GALNTL6: variants seen among roughly 807,000 people sequenced by gnomAD.
The protein encoded by GALNTL6 is polypeptide N-acetylgalactosaminyltransferase-like 6.
GALNTL6 carries 46 observed loss-of-function variants against 73.7 expected under a neutral mutation model. The observed-to-expected ratio is 0.62, with a 90% CI of 0.49 to 0.80. The LOEUF is 0.80. Ranked by LOEUF, GALNTL6 falls within the 30% of genes least tolerant of loss-of-function variation. GALNTL6 has a pLI of 0.00. For synonymous variants in GALNTL6, 259 were observed against 263.7 expected (o/e 0.98, Z 0.17); for missense variants, 604 against 755.0 (o/e 0.80, Z 2.34).
rs575069167 is a variant in GALNTL6, at chr4:172,507,886, A to G, written c.553+159197A>G. Reference sequence around the variant, plus strand: ...AGCCTTATTTGAAGAGTTGAAAAGCAAAACTATAAATAAGGAAGCAATTAC... The same window carrying G: ...AGCCTTATTTGAAGAGTTGAAAAGCGAAACTATAAATAAGGAAGCAATTAC... On this transcript the variant is annotated intron_variant, in intron 5 of 12. Transcript: ENST00000506823. 2.8e-3 allele frequency among the ~76,000 whole-genome samples: 157 copies of G among 55,170 alleles called. 64 individuals carry two copies. Among genetic ancestry groups the G allele is most frequent in the African/African-American group, 6.7e-3 (148 of 22,154 alleles). The allele number at this position is 55,170 out of a possible 152,430, so 36.2% of individuals were successfully genotyped here.
intron 5 of GALNTL6, among the ~76,000 whole-genome samples, chr4:172,694,288 TCCC>T (rs1487139310): frequency 6.6e-6 from 1 of 152,098 alleles, no homozygotes; most frequent in East Asian, 1.9e-4. Context: ...ATGTTCTCCC[TCCC>T]CTTGCCCCCA....
At chr4:172,898,355 TTATAAA>T (rs1746441763) in intron 8 of GALNTL6, among the ~76,000 whole-genome samples, 1 of 150,286 alleles carries the variant, frequency 6.7e-6, no homozygotes, top group Non-Finnish European at 1.5e-5. Context: ...ATTTCAGAGC[TTATAAA>T]TAAAAATAAT....
At chr4:172,922,071 G>A (rs181460486) in intron 8 of GALNTL6, among the ~76,000 whole-genome samples, 8 of 152,106 alleles carry the variant, frequency 5.3e-5, no homozygotes, top group South Asian at 2.1e-4. Flanking sequence ...TGCTATTCTC[G>A]TGATAGTGAA....
intron 10 of GALNTL6, among the ~76,000 whole-genome samples, chr4:172,960,618 G>A (rs1219362876): frequency 6.6e-6 from 1 of 152,024 alleles, no homozygotes; most frequent in Non-Finnish European, 1.5e-5. Context: ...ACTAGGGAGG[G>A]AACAATGTGT....
intron 10 of GALNTL6, among the ~76,000 whole-genome samples, chr4:172,976,492 G>A (rs1355547534): frequency 1.3e-5 from 2 of 152,138 alleles, no homozygotes; most frequent in Non-Finnish European, 2.9e-5. Flanking sequence ...CAGTACGTGG[G>A]CCACAGGAAA....
At chr4:172,349,699 G>A (rs1485600330) in intron 5 of GALNTL6, among the ~76,000 whole-genome samples, 1 of 151,640 alleles carries the variant, frequency 6.6e-6, no homozygotes, top group African/African-American at 2.4e-5. Flanking sequence ...ATATATACTG[G>A]GACTTACATG....
chr4:172,906,817 A>T (rs1036809915), intron 8 of GALNTL6, among the ~76,000 whole-genome samples: 7 of 152,230 alleles, frequency 4.6e-5, no homozygotes, highest in Admixed American at 6.5e-5. Context: ...CACATTTCAG[A>T]ACCTTCAAAG....
chr4:171,824,383 C>T (rs1486616459), intron 2 of GALNTL6, among the ~76,000 whole-genome samples: 1 of 151,916 alleles, frequency 6.6e-6, no homozygotes, highest in Non-Finnish European at 1.5e-5. Flanking sequence ...TACTCAAAGA[C>T]CTTGGACAAA....
intron 5 of GALNTL6, among the ~76,000 whole-genome samples, chr4:172,447,683 T>C (rs1317527436): frequency 6.6e-6 from 1 of 152,186 alleles, no homozygotes; most frequent in African/African-American, 2.4e-5. Flanking sequence ...CATCGTACTG[T>C]CTTGAGTTCA....
chr4:172,728,029 C>T (rs1028943332), intron 5 of GALNTL6, among the ~76,000 whole-genome samples: 11 of 152,176 alleles, frequency 7.2e-5, no homozygotes, highest in African/African-American at 2.4e-4. Flanking sequence ...TCTCCTGCCT[C>T]AGCCTCCCGA....
At chr4:173,037,612 A>G (rs1247373953) in intron 12 of GALNTL6, among the ~76,000 whole-genome samples, 1 of 152,250 alleles carries the variant, frequency 6.6e-6, no homozygotes, top group African/African-American at 2.4e-5. Context: ...TGGCATTTGC[A>G]TGCATACTGA....
At chr4:172,500,353 C>T (rs1032610871) in intron 5 of GALNTL6, among the ~76,000 whole-genome samples, 2 of 152,212 alleles carry the variant, frequency 1.3e-5, no homozygotes, top group Admixed American at 6.5e-5. Flanking sequence ...CCTGGAAGAT[C>T]GAGGCTGTAG....
At chr4:172,745,444 T>C (rs373478757) in intron 5 of GALNTL6, among the ~76,000 whole-genome samples, 9 of 87,948 alleles carry the variant, frequency 1.0e-4, no homozygotes, top group Non-Finnish European at 1.9e-4. Context: ...TATATATATA[T>C]GTACACATAA....
At chr4:172,017,199 A>G (rs1194934174) in intron 2 of GALNTL6, among the ~76,000 whole-genome samples, 3 of 152,118 alleles carry the variant, frequency 2.0e-5, no homozygotes, top group Non-Finnish European at 2.9e-5. Flanking sequence ...CTGAGGTTTT[A>G]TCAGGGAGAA....
At chr4:172,727,408 A>G (rs1735883536) in intron 5 of GALNTL6, among the ~76,000 whole-genome samples, 1 of 152,238 alleles carries the variant, frequency 6.6e-6, no homozygotes, top group Non-Finnish European at 1.5e-5. Flanking sequence ...ATCATAGAAA[A>G]ATGCTCAGAT....
intron 10 of GALNTL6, among the ~76,000 whole-genome samples, chr4:172,968,722 G>A (rs1242102992): frequency 2.0e-5 from 3 of 152,098 alleles, no homozygotes; most frequent in Non-Finnish European, 2.9e-5. Context: ...GTTAGAGCAG[G>A]AAGTTTTTGT....
intron 5 of GALNTL6, among the ~76,000 whole-genome samples, chr4:172,513,749 C>T (rs921679871): frequency 1.3e-5 from 2 of 152,150 alleles, no homozygotes; most frequent in Non-Finnish European, 2.9e-5. Context: ...TACAAAGAGC[C>T]CCATGAGGTT....
chr4:171,891,263 C>T (rs1736752412), intron 2 of GALNTL6, among the ~76,000 whole-genome samples: 1 of 152,134 alleles, frequency 6.6e-6, no homozygotes, highest in African/African-American at 2.4e-5. Flanking sequence ...TTCTTTCAGA[C>T]CACTGGAGGC....
chr4:172,253,016 C>T (rs1737935750), intron 3 of GALNTL6, among the ~76,000 whole-genome samples: 1 of 151,918 alleles, frequency 6.6e-6, no homozygotes, highest in African/African-American at 2.4e-5. Context: ...ACAAAAGCTG[C>T]ACTTTTCTGA....
Sources: allele counts gnomAD v4.1 joint callset (sites outside exome capture counted in the v4.1 genomes callset), GRCh38; gene constraint gnomAD v4.1.1; transcripts MANE v1.5; gene names NCBI Gene and HGNC (gene_info 2026-07-23, HGNC 2026-07-21).